Variants in FRMPD1 observed in about 807,000 individuals in gnomAD.
FRMPD1 encodes the protein FERM and PDZ domain containing 1, also known as FERM and PDZ domain-containing protein 1.
Under a neutral mutation model 117.8 loss-of-function variants are expected in FRMPD1, and 76 were observed. The observed-to-expected ratio is 0.65, with a 90% CI of 0.54 to 0.78. FRMPD1 has a LOEUF of 0.78. Among genes scored for constraint, FRMPD1 ranks in the 30% least tolerant of loss-of-function variants. The pLI is 0.00. For missense variants in FRMPD1, 1,786 were observed against 1,964.5 expected (o/e 0.91, Z 1.72); for synonymous variants, 783 against 770.4 (o/e 1.02, Z -0.27).
In FRMPD1 at chr9:37,731,076, C is replaced by T. The variant is rs1441137460; in HGVS notation, c.831C>T (p.Pro277=). Residue 277 remains proline, a synonymous_variant, in exon 9 of 16, where the codon CCC becomes CCT. Coordinates refer to ENST00000377765, the MANE Select transcript of FRMPD1 (RefSeq NM_014907.3). ...CCCTGGACCTCCTGAAAGAAGACCC[C>T]GTGGCCTTTGAATACCTCTATCTGC... ...KDPLDLLKED[P]VAFEYLYLQS... The T allele has an allele frequency of 2.2e-5, 36 of 1,613,378 alleles. No homozygotes were observed. The highest frequency in any genetic ancestry group is 7.7e-5 in the South Asian group (7 of 91,074).
At chr9:37,711,274 C>CACACATGTATGCAT (rs1310907071) in intron 4 of FRMPD1, 76 bp from the exon 5 acceptor site, 7 of 927,456 alleles carry the variant, frequency 7.5e-6, no homozygotes, top group Non-Finnish European at 1.1e-5. Flanking sequence ...CACACATGCT[C>CACACATGTATGCAT]ACACATGTAT....
intron 1 of FRMPD1, among the ~76,000 whole-genome samples, chr9:37,651,374 G>C (rs1172474919): frequency 6.6e-6 from 1 of 152,238 alleles, no homozygotes; most frequent in African/African-American, 2.4e-5. Context: ...CAACGCGGGA[G>C]GGGGAGAGAC....
intron 1 of FRMPD1, among the ~76,000 whole-genome samples, chr9:37,675,433 A>AC (rs1160856176): frequency 6.8e-6 from 1 of 147,304 alleles, no homozygotes; most frequent in Admixed American, 6.7e-5. Context: ...AAAAAAAAAA[A>AC]ATACAAATCA....
At chr9:37,649,399 G>A (rs1410620248), upstream of FRMPD1, among the ~76,000 whole-genome samples, 1 of 152,194 alleles carries the variant, frequency 6.6e-6, no homozygotes, top group Non-Finnish European at 1.5e-5. Context: ...TCCTGGGGCA[G>A]AACTTTGTAT....
chr9:37,718,553 A>G (rs774901300), intron 5 of FRMPD1, among the ~76,000 whole-genome samples: 1 of 152,220 alleles, frequency 6.6e-6, no homozygotes, highest in Non-Finnish European at 1.5e-5. Flanking sequence ...CCAAAAGATA[A>G]GAGCGAAGTG....
the FRMPD1 span, among the ~76,000 whole-genome samples, chr9:37,624,364 A>C: frequency 6.6e-6 from 1 of 152,222 alleles, no homozygotes; most frequent in African/African-American, 2.4e-5. Context: ...ACAGGAGACA[A>C]TGGGCAGAAA....
the FRMPD1 span, among the ~76,000 whole-genome samples, chr9:37,638,194 C>T: frequency 1.4e-4 from 21 of 151,914 alleles, no homozygotes; most frequent in Non-Finnish European, 3.1e-4. Context: ...CTGCCTCAGC[C>T]TCCCGAGTAG....
At chr9:37,645,572 G>A in the FRMPD1 span, among the ~76,000 whole-genome samples, 1 of 152,168 alleles carries the variant, frequency 6.6e-6, no homozygotes, top group Non-Finnish European at 1.5e-5. Context: ...AGTCAAGCAA[G>A]GTCTGGAGGG....
At chr9:37,633,400 T>A in the FRMPD1 span, among the ~76,000 whole-genome samples, 28 of 152,244 alleles carry the variant, frequency 1.8e-4, no homozygotes, top group Admixed American at 1.8e-3. Flanking sequence ...GTGTAACAAT[T>A]TTCACTTTCA....
intron 1 of FRMPD1, among the ~76,000 whole-genome samples, chr9:37,651,774 GC>G (rs1820683145): frequency 6.6e-6 from 1 of 152,234 alleles, no homozygotes; most frequent in Non-Finnish European, 1.5e-5. Flanking sequence ...TTGGGCAAGT[GC>G]CCCCTGCTTT....
intron 14 of FRMPD1, among the ~76,000 whole-genome samples, chr9:37,738,964 G>GA (rs1824257478): frequency 6.6e-6 from 1 of 152,194 alleles, no homozygotes; most frequent in South Asian, 2.1e-4. Flanking sequence ...TGCCATGGGG[G>GA]ACTGGGTGCC....
At chr9:37,715,079 T>C (rs1217049221) in intron 5 of FRMPD1, among the ~76,000 whole-genome samples, 1 of 152,236 alleles carries the variant, frequency 6.6e-6, no homozygotes, top group African/African-American at 2.4e-5. Context: ...AAATCCACAG[T>C]TGCAACATTA....
intron 8 of FRMPD1, 51 bp downstream of exon 8, chr9:37,729,904 C>T (rs1484944991): frequency 6.3e-7 from 1 of 1,587,294 alleles, no homozygotes; most frequent in South Asian, 1.1e-5. Flanking sequence ...GGGCTGGCTG[C>T]ATACCTCAGC....
chr9:37,618,008 G>A, the FRMPD1 span, among the ~76,000 whole-genome samples: 1 of 152,166 alleles, frequency 6.6e-6, no homozygotes, highest in Non-Finnish European at 1.5e-5. Context: ...AGGAAAGGGT[G>A]GGGCAGCCCC....
Position 37,744,568 on chromosome 9 carries a change from T to G in FRMPD1, c.2536T>G (p.Tyr846Asp), listed in dbSNP as rs34233395. The change falls in exon 16 of 16, where the codon TAC becomes GAC. Residue 846 changes from tyrosine to aspartate, a missense_variant. Coordinates refer to ENST00000377765, the MANE Select transcript of FRMPD1 (RefSeq NM_014907.3). ...AAGAAGGTCTTTCCTACAGACCGACTACACCTCTCAGGTCTCATTTCCCCT... is the reference window on the plus strand; with the variant it reads ...AAGAAGGTCTTTCCTACAGACCGACGACACCTCTCAGGTCTCATTTCCCCT... The part of the protein sequence containing the change: ...RKRRSFLQTD[Y>D]TSQVSFPLVP... The G allele has an allele frequency of 8.6e-3, 13,935 of 1,614,114 alleles. 100 individuals carry two copies. Among genetic ancestry groups the G allele is most frequent in the Non-Finnish European group, 9.4e-3 (11,136 of 1,179,970 alleles).
chr9:37,656,289 A>C (rs373508596), intron 1 of FRMPD1, among the ~76,000 whole-genome samples: 9 of 152,224 alleles, frequency 5.9e-5, no homozygotes, highest in African/African-American at 1.9e-4. Flanking sequence ...CACTCGTGGC[A>C]TTCTGATCCC....
At chr9:37,606,722 T>G in the FRMPD1 span, among the ~76,000 whole-genome samples, 1 of 152,110 alleles carries the variant, frequency 6.6e-6, no homozygotes, top group African/African-American at 2.4e-5. Flanking sequence ...GGATAGAAAT[T>G]TATTAAGTTC....
chr9:37,680,081 C>G (rs760639241), intron 1 of FRMPD1, among the ~76,000 whole-genome samples: 14 of 152,208 alleles, frequency 9.2e-5, no homozygotes, highest in Non-Finnish European at 1.0e-4. Context: ...GGGTCCCCAT[C>G]CCCTCAGATC....
the FRMPD1 span, among the ~76,000 whole-genome samples, chr9:37,627,571 C>T: frequency 6.6e-6 from 1 of 152,232 alleles, no homozygotes; most frequent in Non-Finnish European, 1.5e-5. Context: ...CTACTGGGCT[C>T]AAGGGATCCT....
Sources: allele counts gnomAD v4.1 joint callset (sites outside exome capture counted in the v4.1 genomes callset), GRCh38; gene constraint gnomAD v4.1.1; transcripts MANE v1.5; gene names NCBI Gene and HGNC (gene_info 2026-07-23, HGNC 2026-07-21).